The following TRANK1 variants were observed in gnomAD, a reference collection of about 807,000 sequenced individuals.
TRANK1 encodes TPR and ankyrin repeat-containing protein 1.
A neutral mutation model predicts 266.0 loss-of-function variants in TRANK1; 198 were observed. The observed-to-expected ratio is 0.74, with a 90% CI of 0.66 to 0.84. The LOEUF (loss-of-function observed/expected upper bound fraction) is 0.84. Ranked by LOEUF, TRANK1 falls within the 40% of genes least tolerant of loss-of-function variation. The pLI, the probability that TRANK1 is intolerant of heterozygous loss-of-function variation, is 0.00. For missense variants in TRANK1, 3,326 were observed against 3,634.6 expected, an observed-to-expected ratio of 0.92 and a Z score of 2.18; for synonymous variants, 1,396 against 1,384.1, an observed-to-expected ratio of 1.01 and a Z score of -0.19.
Position 36,842,660 on chromosome 3 carries a change from C to T in TRANK1, c.5242G>A (p.Ala1748Thr). The change falls in exon 18 of 24, where the codon GCA (alanine) becomes ACA (threonine). Residue 1748 changes from alanine (A) to threonine (T), a missense_variant. Coordinates refer to ENST00000645898, the MANE Select transcript of TRANK1 (RefSeq NM_001329998.2). Reference sequence around the variant, plus strand: ...TGCTTGGCGTAGTAATCTCCCTGTGCAATCCACTCCGCAGGAGTTGAGGTC... The same window carrying T: ...TGCTTGGCGTAGTAATCTCCCTGTGTAATCCACTCCGCAGGAGTTGAGGTC... The part of the protein sequence containing the change: ...VKTSTPAEWI[A>T]QGDYYAKHQC... 6.2e-7 allele frequency: 1 copy of T among 1,613,988 alleles called. No homozygotes were observed.
At chr3:36,938,008 T>G (rs938329925) in intron 1 of TRANK1, among the ~76,000 whole-genome samples, 4 of 151,984 alleles carry the variant, frequency 2.6e-5, no homozygotes, top group Non-Finnish European at 4.4e-5. Flanking sequence ...CCACAGCAAT[T>G]TGCTTCCTCC....
At chr3:36,874,422 G>T in intron 8 of TRANK1, 126 bp from the exon 9 acceptor site, 1 of 1,037,906 alleles carries the variant, frequency 9.6e-7, no homozygotes, top group Non-Finnish European at 1.4e-6. Context: ...TCTTCTGTTT[G>T]TGGAGCCTGC....
Position 36,831,058 on chromosome 3 carries a change from T to C in TRANK1, c.8525A>G (p.His2842Arg). 6.2e-7 allele frequency: 1 copy of C among 1,613,980 alleles called. No homozygotes were observed. Among genetic ancestry groups the C allele is most frequent in the Non-Finnish European group, 8.5e-7 (1 of 1,179,872 alleles). Residue 2842 changes from histidine to arginine, a missense_variant, in exon 22 of 24, where the codon CAC (histidine) becomes CGC (arginine). His to Arg is a conservative substitution (Grantham distance 29). Coordinates refer to ENST00000645898, the MANE Select transcript of TRANK1 (RefSeq NM_001329998.2). The surrounding 1 kb of genome is among the most constrained non-coding windows in gnomAD (Gnocchi z 5.0). Reference protein sequence around the residue: ...VAYQKYSEFFHEKVDPAIDEG... With the variant: ...VAYQKYSEFFREKVDPAIDEG... ...ATCAATGGCCGGGTCCACCTTCTCG[T>C]GGAAAAATTCTGAGTATTTCTGGTA...
At chr3:36,875,352 C>T (rs776709034) in intron 8 of TRANK1, among the ~76,000 whole-genome samples, 3 of 152,186 alleles carry the variant, frequency 2.0e-5, no homozygotes, top group Non-Finnish European at 4.4e-5. Context: ...AGAGGCAGGA[C>T]AAGGAATGTG....
intron 8 of TRANK1, among the ~76,000 whole-genome samples, chr3:36,882,353 G>A (rs750021496): frequency 6.6e-6 from 1 of 152,100 alleles, no homozygotes; most frequent in Non-Finnish European, 1.5e-5. Context: ...ACATGAATAG[G>A]CAAAGAGATA....
At chr3:36,901,833 C>G (rs1160568066) in intron 3 of TRANK1, among the ~76,000 whole-genome samples, 1 of 152,144 alleles carries the variant, frequency 6.6e-6, no homozygotes, top group African/African-American at 2.4e-5. Context: ...AAGGAAGAAG[C>G]CCCTTGATGT....
chr3:36,889,340 C>A (rs554857368), intron 8 of TRANK1, among the ~76,000 whole-genome samples: 1 of 152,324 alleles, frequency 6.6e-6, no homozygotes, highest in Admixed American at 6.5e-5. Context: ...GTCAGAAGAA[C>A]CAGCTTTTCC....
chr3:36,871,286 G>T (rs1345546977), intron 9 of TRANK1, among the ~76,000 whole-genome samples: 1 of 152,152 alleles, frequency 6.6e-6, no homozygotes, highest in African/African-American at 2.4e-5. Context: ...TACTCAGGAG[G>T]CTGAGGCAGG....
intron 8 of TRANK1, among the ~76,000 whole-genome samples, chr3:36,885,791 T>C (rs1026176351): frequency 2.0e-5 from 3 of 151,992 alleles, no homozygotes; most frequent in Non-Finnish European, 2.9e-5. Context: ...CCTCCTATCT[T>C]GGCCTCCCAT....
At chr3:36,884,609 G>A (rs2079575513) in intron 8 of TRANK1, among the ~76,000 whole-genome samples, 1 of 152,148 alleles carries the variant, frequency 6.6e-6, no homozygotes, top group Non-Finnish European at 1.5e-5. Flanking sequence ...AATATACAGG[G>A]AGAAGGAACA....
chr3:36,859,988 T>A (rs1172619840), intron 11 of TRANK1, among the ~76,000 whole-genome samples: 1 of 152,196 alleles, frequency 6.6e-6, no homozygotes. Flanking sequence ...ATGTCTTGTG[T>A]GTTACTGTTA....
intron 1 of TRANK1, among the ~76,000 whole-genome samples, chr3:36,940,366 G>A (rs1416012092): frequency 6.6e-6 from 1 of 151,940 alleles, no homozygotes; most frequent in Non-Finnish European, 1.5e-5. Context: ...CGGGCGTGGT[G>A]GCAGGCGCCT....
intron 1 of TRANK1, among the ~76,000 whole-genome samples, chr3:36,942,419 C>G (rs1228349103): frequency 6.9e-6 from 1 of 145,124 alleles, no homozygotes; most frequent in Non-Finnish European, 1.5e-5. Context: ...CCCAAAGAAT[C>G]CTTTTAGAAA....
chr3:36,844,219 G>C (rs574394596), intron 17 of TRANK1, among the ~76,000 whole-genome samples: 35 of 151,856 alleles, frequency 2.3e-4, no homozygotes, highest in African/African-American at 8.2e-4. Flanking sequence ...TTTTTAGTTT[G>C]TTTTTTGTTT....
At chr3:36,922,273 T>C (rs2080226827) in intron 1 of TRANK1, among the ~76,000 whole-genome samples, 1 of 152,254 alleles carries the variant, frequency 6.6e-6, no homozygotes, top group African/African-American at 2.4e-5. Flanking sequence ...TAACCACACA[T>C]GGCTATTTAC....
chr3:36,850,206 T>C, intron 15 of TRANK1: 1 of 985,288 alleles, frequency 1.0e-6, no homozygotes, highest in Non-Finnish European at 1.2e-6. Context: ...GATGTATCAT[T>C]AGAAAAAAAA....
At chr3:36,863,101 C>T (rs2079167432) in intron 10 of TRANK1, among the ~76,000 whole-genome samples, 1 of 151,840 alleles carries the variant, frequency 6.6e-6, no homozygotes, top group Non-Finnish European at 1.5e-5. Flanking sequence ...GAGGGAGAGA[C>T]CTTCAAGAAA....
intron 7 of TRANK1, 74 bp from the exon 8 acceptor site, chr3:36,890,034 A>C: frequency 1.3e-6 from 2 of 1,498,362 alleles, no homozygotes; most frequent in East Asian, 2.5e-5. Flanking sequence ...GTGCAGAAGC[A>C]ATAGATTAAA....
At chr3:36,929,746 T>C (rs1304581703) in intron 1 of TRANK1, among the ~76,000 whole-genome samples, 1 of 152,220 alleles carries the variant, frequency 6.6e-6, no homozygotes, top group East Asian at 1.9e-4. Context: ...TAATTATCAT[T>C]ACAGACCATA....
Sources: gnomAD v4.1 joint callset for allele counts (sites outside exome capture counted in the v4.1 genomes callset) on GRCh38, gnomAD v4.1.1 for gene constraint, Gnocchi (gnomAD v3.1) non-coding constraint, MANE v1.5 for transcripts, NCBI Gene and HGNC (gene_info 2026-07-23, HGNC 2026-07-21) for gene names.